SERINC4: variants seen among roughly 807,000 people sequenced by gnomAD.
The protein encoded by SERINC4 is serine incorporator 4.
Under a neutral mutation model 52.0 loss-of-function variants are expected in SERINC4, and 52 were observed. The ratio of observed to expected loss-of-function variants is 1.00; its 90% CI spans 0.80 to 1.26. SERINC4 has a LOEUF of 1.26. Ranked by LOEUF, SERINC4 falls within the 50% of genes most tolerant of loss-of-function variation. The pLI, the probability that SERINC4 is intolerant of heterozygous loss-of-function variation, is 0.00. For missense variants in SERINC4, 723 were observed against 632.8 expected (o/e 1.14, Z -1.53); for synonymous variants, 264 against 247.7 (o/e 1.07, Z -0.62).
chr15:43,797,263 G>C lies in SERINC4; in HGVS notation c.726C>G (p.Leu242=), dbSNP rs1198162518. The C allele has an allele frequency of 1.9e-6, 3 of 1,550,316 alleles. No individual in the cohort carries two copies. Among genetic ancestry groups the C allele is most frequent in the Non-Finnish European group, 2.6e-6 (3 of 1,146,946 alleles). The change falls in exon 6 of 12, where the codon CTC becomes CTG. Residue 242 remains leucine, a synonymous_variant. Transcript: ENST00000319327. The part of the protein sequence containing the change: ...FYSMAGVGAV[L]LFHYYTHPAG... ...CTGGGTGTGTATAATAGTGGAATAG[G>C]AGCACAGCTCCCACACCTGCCATGC...
intron 1 of SERINC4, 28 bp from the exon 2 acceptor site, chr15:43,799,514 G>T: frequency 6.4e-7 from 1 of 1,550,790 alleles, no homozygotes; most frequent in Non-Finnish European, 8.7e-7. Context: ...GCAAGGCAGC[G>T]AGGTGGAGAC....
At position 43,796,682 on chromosome 15, in the gene SERINC4, T is replaced by C. The variant is rs905650026; in HGVS notation, c.1001A>G (p.Gln334Arg). Residue 334 changes from glutamine (Q) to arginine (R), a missense_variant, in exon 8 of 12, where the codon CAA becomes CGA. Coordinates refer to ENST00000319327, the MANE Select transcript of SERINC4 (RefSeq NM_001258031.2). ...CATTGCTAGAGAGATATCTGGTGTT[T>C]GGGGTTCCATTTTACTCAGGCCAGG... Reference protein sequence around the residue: ...CLPGLSKMEPQTPDISLAMLS... With the variant: ...CLPGLSKMEPRTPDISLAMLS... 6 of 1,614,148 alleles carry C rather than the reference T, an allele frequency of 3.7e-6. No homozygotes were observed. The Admixed American group carries it at 5.0e-5, about 13-fold the overall frequency.
rs2087273402 is a variant in SERINC4, at chr15:43,799,300, TCTC to T, written c.279+7_279+9del. On this transcript the variant is annotated splice_region_variant and intron_variant, in intron 2 of 11. Coordinates refer to ENST00000319327, the MANE Select transcript of SERINC4 (RefSeq NM_001258031.2). Reference sequence around the variant, plus strand: ...CTTCCCACCTGACAACCCGACCCCCTCTCACTTACCCTGTGTGTCTTGCCCCAC... The same window carrying T: ...CTTCCCACCTGACAACCCGACCCCCTACTTACCCTGTGTGTCTTGCCCCAC... The T allele has an allele frequency of 3.2e-6, 5 of 1,549,470 alleles. No homozygotes were observed. Among genetic ancestry groups the T allele is most frequent in the Non-Finnish European group, 4.4e-6 (5 of 1,145,928 alleles).
In SERINC4 at chr15:43,794,770, G is replaced by A; in HGVS notation, c.*230C>T. ...GGTTCTTTGAGCTGCTGATTTGGGT[G>A]TTAGGCTCTTGAGCTGGGATGCAGA... is the stretch of plus-strand genomic sequence containing the variant. On this transcript the variant is annotated 3_prime_UTR_variant, in exon 12 of 12. Transcript: ENST00000319327. The A allele has an allele frequency of 4.0e-6, 2 of 500,852 alleles. No individual in the cohort carries two copies. Among genetic ancestry groups the A allele is most frequent in the Non-Finnish European group, 3.6e-6 (1 of 279,856 alleles). The allele number at this position is 500,852 out of a possible 1,614,324, so 31.0% of individuals were successfully genotyped here.
In SERINC4 at chr15:43,795,040, T is replaced by A. The variant is rs369732267; in HGVS notation, c.1517A>T (p.His506Leu). The A allele has an allele frequency of 5.2e-5, 84 of 1,601,040 alleles. No homozygotes were observed. Among genetic ancestry groups the A allele is most frequent in the Non-Finnish European group, 7.0e-5 (82 of 1,172,618 alleles). Residue 506 changes from histidine to leucine, a missense_variant, in exon 12 of 12, where the codon CAC becomes CTC. Transcript: ENST00000319327. ...TTTGTTATCTGGGGATATGATGCGG[T>A]GGCGGCGGCGCCTCAAGATAAGGGG... ...PQPLILRRRRHRIISPDNKYP... is the reference protein window; with the variant it reads ...PQPLILRRRRLRIISPDNKYP...
intron 9 of SERINC4, 72 bp from the exon 10 acceptor site, chr15:43,795,808 G>A (rs990369286): frequency 8.6e-6 from 13 of 1,506,544 alleles, no homozygotes; most frequent in African/African-American, 2.8e-5. Context: ...AACTTCCCCC[G>A]TGAAAAGATT....
At chr15:43,798,703 C>G (rs2087259556) in intron 3 of SERINC4, 199 bp from the exon 4 acceptor site, 1 of 625,078 alleles carries the variant, frequency 1.6e-6, no homozygotes, top group South Asian at 2.0e-5. Flanking sequence ...CTCAAAGATA[C>G]TTAATAGCAT....
In SERINC4 at chr15:43,794,856, C is replaced by T. The variant is rs1421243896; in HGVS notation, c.*144G>A. On this transcript the variant is annotated 3_prime_UTR_variant, in exon 12 of 12. Coordinates refer to ENST00000319327, the MANE Select transcript of SERINC4 (RefSeq NM_001258031.2). ...CAGCACATTAGACTGTGTTTGACCACTTCTTCCAGTTCATAGTATTGACTT... is the reference window on the plus strand; with the variant it reads ...CAGCACATTAGACTGTGTTTGACCATTTCTTCCAGTTCATAGTATTGACTT... 1.2e-4 allele frequency: 79 copies of T among 669,108 alleles called. No individual in the cohort carries two copies. In the East Asian group the frequency reaches 2.0e-3, roughly 17 times the overall value. The allele number at this position is 669,108 out of a possible 1,614,324, so 41.4% of individuals were successfully genotyped here.
rs1160814304 is a variant in SERINC4 at position 43,797,555 on chromosome 15, G to C, written c.633-199C>G. 5 of 566,136 alleles carry C rather than the reference G, an allele frequency of 8.8e-6. No individual in the cohort carries two copies. The Admixed American group carries it at 1.2e-4, about 14-fold the overall frequency. 35.1% of individuals were successfully genotyped at this position (566,136 alleles called of 1,614,324 possible). A position where few individuals can be genotyped will look rare whatever the true frequency, so the allele number is the denominator to read the frequency against. ...TTACAGGCACCTACCACCATGTCCA[G>C]CTAACTTTTATATTTTTACTAGAGA... On this transcript the variant is annotated intron_variant, in intron 5 of 11. Transcript: ENST00000319327.
At chr15:43,797,749 G>T in intron 5 of SERINC4, 171 bp downstream of exon 5, 2 of 597,498 alleles carry the variant, frequency 3.3e-6, no homozygotes, top group Non-Finnish European at 6.1e-6. Context: ...AGACTGGTGT[G>T]ACTAGCCATC....
In SERINC4 at chr15:43,798,988, G is replaced by C. The variant is rs1025961730; in HGVS notation, c.429C>G (p.Pro143=). Reference sequence around the variant, plus strand: ...TATGCAGCTGTGCCCGCGGGCTGGTGGGGGAGTGGAGGTGGACCAGCAACA... The same window carrying C: ...TATGCAGCTGTGCCCGCGGGCTGGTCGGGGAGTGGAGGTGGACCAGCAACA... ...QAVLLVHLHS[P]TSPRAQLHNS... Residue 143 remains proline, a synonymous_variant, in exon 3 of 12, where the codon CCC becomes CCG. Transcript: ENST00000319327. The C allele has an allele frequency of 3.9e-6, 6 of 1,550,448 alleles. No homozygotes were observed. Among genetic ancestry groups the C allele is most frequent in the East Asian group, 4.9e-5 (2 of 40,926 alleles).
At chr15:43,796,581 C>T in intron 8 of SERINC4, 35 bp downstream of exon 8, 1 of 1,611,960 alleles carries the variant, frequency 6.2e-7, no homozygotes, top group Non-Finnish European at 8.5e-7. Flanking sequence ...TGGGCACCCT[C>T]CTTTCATACC....
In SERINC4 at chr15:43,800,121, G is replaced by C. The variant is rs1007400616; in HGVS notation, c.-135C>G. 2 of 650,770 alleles carry C rather than the reference G, an allele frequency of 3.1e-6. No individual in the cohort carries two copies. Among genetic ancestry groups the C allele is most frequent in the East Asian group, 2.8e-5 (1 of 35,904 alleles). 40.3% of individuals were successfully genotyped at this position (650,770 alleles called of 1,614,324 possible). A position where few individuals can be genotyped will look rare whatever the true frequency, so the allele number is the denominator to read the frequency against. On this transcript the variant is annotated 5_prime_UTR_variant, in exon 1 of 12. Coordinates refer to ENST00000319327, the MANE Select transcript of SERINC4 (RefSeq NM_001258031.2). ...GGTCCCGGGCAGAATGGAGACGTCC[G>C]GAAGAGAACACTGACCTCCAGGTTG...
Position 43,798,977 on chromosome 15 carries a change from C to G in SERINC4, c.440G>C (p.Arg147Pro). ...CACAAACCTATTATGCAGCTGTGCC[C>G]GCGGGCTGGTGGGGGAGTGGAGGTG... ...LVHLHSPTSP[R>P]AQLHNSFWLL... is the part of the protein sequence containing the mutation. The change falls in exon 3 of 12, where the codon CGG (arginine) becomes CCG (proline). Residue 147 changes from arginine to proline, a missense_variant. Coordinates refer to ENST00000319327, the MANE Select transcript of SERINC4 (RefSeq NM_001258031.2). 1 of 1,550,558 alleles carries G rather than the reference C, an allele frequency of 6.4e-7. No homozygotes were observed. Among genetic ancestry groups the G allele is most frequent in the Non-Finnish European group, 8.7e-7 (1 of 1,147,008 alleles).
chr15:43,796,200 TACCTC>T lies in SERINC4; in HGVS notation c.1090_1094del (p.Glu364IlefsTer13), dbSNP rs747346192. 1.9e-6 allele frequency: 3 copies of T among 1,613,900 alleles called. No individual in the cohort carries two copies. Among genetic ancestry groups the T allele is most frequent in the Non-Finnish European group, 2.5e-6 (3 of 1,179,916 alleles). On this transcript the variant is annotated frameshift_variant, in exon 9 of 12. Transcript: ENST00000319327. LOFTEE classifies it high-confidence loss of function. ...CCTTGACAATCCACAGGGGTCCAAATACCTCAGCCAGGTAGGAGGCCTCATTGCTG... is the reference window on the plus strand; with the variant it reads ...CCTTGACAATCCACAGGGGTCCAAATAGCCAGGTAGGAGGCCTCATTGCTG...
At chr15:43,797,395 ATTTTTT>A in intron 5 of SERINC4, 39 bp from the exon 6 acceptor site, 1 of 1,260,502 alleles carries the variant, frequency 7.9e-7, no homozygotes, top group East Asian at 2.7e-5. Context: ...GAGCTCCAGC[ATTTTTT>A]TTTTTTTTGA....
In SERINC4 at chr15:43,798,772, C is replaced by T. The variant is rs2087260580; in HGVS notation, c.458+187G>A. Reference sequence around the variant, plus strand: ...GTTACCAAGATAACCCCACTGTTACCTCCATTTTAGATGCTAGAAGCACAA... The same window carrying T: ...GTTACCAAGATAACCCCACTGTTACTTCCATTTTAGATGCTAGAAGCACAA... On this transcript the variant is annotated intron_variant, in intron 3 of 11. Coordinates refer to ENST00000319327, the MANE Select transcript of SERINC4 (RefSeq NM_001258031.2). 1.8e-5 allele frequency: 12 copies of T among 650,562 alleles called. No homozygotes were observed. The Middle Eastern group carries it at 2.0e-3, about 108-fold the overall frequency. 40.3% of individuals were successfully genotyped at this position (650,562 alleles called of 1,614,324 possible). A position where few individuals can be genotyped will look rare whatever the true frequency, so the allele number is the denominator to read the frequency against.
chr15:43,795,274 A>C, intron 11 of SERINC4, 61 bp from the exon 12 acceptor site: 1 of 1,591,916 alleles, frequency 6.3e-7, no homozygotes, highest in Non-Finnish European at 8.6e-7. Flanking sequence ...GACCTGTTCT[A>C]CCTCCTCACC....
intron 8 of SERINC4, 68 bp from the exon 9 acceptor site, chr15:43,796,295 A>G (rs1454895342): frequency 1.1e-5 from 13 of 1,206,252 alleles, no homozygotes; most frequent in African/African-American, 7.5e-5. Flanking sequence ...TTTACTACCA[A>G]TTGGTCCATA....
Sources: gnomAD v4.1 joint callset for allele counts on GRCh38, gnomAD v4.1.1 for gene constraint, MANE v1.5 for transcripts, NCBI Gene and HGNC (gene_info 2026-07-23, HGNC 2026-07-21) for gene names.